Variants in VSIG4 observed in about 807,000 individuals in gnomAD.
VSIG4 encodes the protein V-set and immunoglobulin domain containing 4, also known as V-set and immunoglobulin domain-containing protein 4.
Under a neutral mutation model 23.4 loss-of-function variants are expected in VSIG4, and 34 were observed. That is an observed-to-expected ratio of 1.45 (90% CI 1.10 to 1.93). The LOEUF (loss-of-function observed/expected upper bound fraction) is 1.93, where lower values mean the gene tolerates loss of function less well. VSIG4 is among the 30% of genes most tolerant of loss of function. The pLI is 0.00. For synonymous variants in VSIG4, 169 were observed against 120.3 expected, an observed-to-expected ratio of 1.41 and a Z score of -2.65; for missense variants, 433 against 310.8, an observed-to-expected ratio of 1.39 and a Z score of -2.96.
rs773278870 is a variant in VSIG4 at position 66,027,487 on chromosome X, T to C, written c.797A>G (p.Asp266Gly). Residue 266 changes from aspartate to glycine, a missense_variant, in exon 5 of 8, where the codon GAC becomes GGC. By Grantham distance (94) the Asp-to-Gly change is moderately conservative (BLOSUM62 -1). Coordinates refer to ENST00000374737, the MANE Select transcript of VSIG4 (RefSeq NM_007268.3). The part of the protein sequence containing the change: ...TVKQSWDWTT[D>G]MDGYLGETSA... The stretch of plus-strand genomic sequence containing the variant: ...GGTCTCTCCAAGGTAGCCATCCATG[T>C]CAGTGGTCCAGTCCCAGGACTGCTT... The C allele has an allele frequency of 1.2e-5, 14 of 1,203,409 alleles. No homozygotes were observed. The highest frequency in any genetic ancestry group is 1.8e-5 in the South Asian group (1 of 55,363).
chrX:66,031,905 T>C (rs2085468212), intron 3 of VSIG4, among the ~76,000 whole-genome samples: 1 of 111,840 alleles, frequency 8.9e-6, no homozygotes, highest in Non-Finnish European at 1.9e-5. Context: ...GTAGATATAT[T>C]AGATCAAGCC....
In VSIG4 at chrX:66,040,052, T is replaced by A. The variant is rs769800157; in HGVS notation, c.-54A>T. On this transcript the variant is annotated 5_prime_UTR_variant, in exon 1 of 8. Coordinates refer to ENST00000374737, the MANE Select transcript of VSIG4 (RefSeq NM_007268.3). Reference sequence around the variant, plus strand: ...TCCAGCCTCCTGCTACCAAAGAGGCTCAAACTTCTGGTGGCCGCCAGCGTC... The same window carrying A: ...TCCAGCCTCCTGCTACCAAAGAGGCACAAACTTCTGGTGGCCGCCAGCGTC... 28 of 1,179,657 alleles carry A rather than the reference T, an allele frequency of 2.4e-5. No homozygotes were observed. In the South Asian group the frequency reaches 4.5e-4, roughly 19 times the overall value.
In VSIG4 at chrX:66,033,632, CG is replaced by C. The variant is rs780512092; in HGVS notation, c.253del (p.Arg85AlafsTer4). On this transcript the variant is annotated frameshift_variant, in exon 2 of 8. Transcript: ENST00000374737. LOFTEE classifies it high-confidence loss of function. Reference sequence around the variant, plus strand: ...TGGAACCTTGTGGCTCACATGCAGGCGGCCCTGGTACTTTGCCTGCTGGATA... The same window carrying C: ...TGGAACCTTGTGGCTCACATGCAGGCGCCCTGGTACTTTGCCTGCTGGATA... ...DHIQQAKYQG[R>X]LHVSHKVPGD... The C allele has an allele frequency of 1.3e-5, 16 of 1,209,352 alleles. No homozygotes were observed. The highest frequency in any genetic ancestry group is 1.7e-5 in the Non-Finnish European group (15 of 895,067).
intron 3 of VSIG4, among the ~76,000 whole-genome samples, chrX:66,029,779 T>G (rs1308436564): frequency 9.0e-6 from 1 of 111,030 alleles, no homozygotes; most frequent in Non-Finnish European, 1.9e-5. Context: ...CTAACAGGTT[T>G]GAGGAACAGG....
chrX:66,023,513 G>A (rs917022559), intron 6 of VSIG4, among the ~76,000 whole-genome samples: 2 of 112,457 alleles, frequency 1.8e-5, no homozygotes, highest in Non-Finnish European at 3.8e-5. Flanking sequence ...AAGTAAACAA[G>A]GGAAGCCACA....
chrX:66,030,155 A>C (rs2147663520), intron 3 of VSIG4, among the ~76,000 whole-genome samples: 1 of 111,586 alleles, frequency 9.0e-6, no homozygotes, highest in African/African-American at 3.3e-5. Flanking sequence ...GAGGTGGAAG[A>C]AATGGCCAAC....
In VSIG4 at chrX:66,022,193, A is replaced by T; in HGVS notation, c.*70T>A. On this transcript the variant is annotated 3_prime_UTR_variant, in exon 8 of 8. Coordinates refer to ENST00000374737, the MANE Select transcript of VSIG4 (RefSeq NM_007268.3). ...TATCCAGGAAGAGAGGTAGCAGGGA[A>T]GAAGGCCATGCAGAAGGCAAGGACT... 1 of 1,211,196 alleles carries T rather than the reference A, an allele frequency of 8.3e-7. No individual in the cohort carries two copies. The highest frequency in any genetic ancestry group is 1.1e-6 in the Non-Finnish European group (1 of 895,164).
In VSIG4 at chrX:66,022,359, C is replaced by A. The variant is rs761125224; in HGVS notation, c.1104G>T (p.Gln368His). Reference protein sequence around the residue: ...SDEPCIGQEYQIIAQINGNYA... With the variant: ...SDEPCIGQEYHIIAQINGNYA... The stretch of plus-strand genomic sequence containing the variant: ...AGTTGCCATTGATCTGGGCGATGAT[C>A]TGGTACTCCTGTCCTATGCAGGGCT... The change falls in exon 8 of 8, where the codon CAG (glutamine) becomes CAT (histidine). Residue 368 changes from glutamine to histidine, a missense_variant. Transcript: ENST00000374737. 1.6e-5 allele frequency: 20 copies of A among 1,212,186 alleles called. No individual in the cohort carries two copies. Among genetic ancestry groups the A allele is most frequent in the South Asian group, 7.0e-5 (4 of 57,028 alleles).
chrX:66,031,145 C>G (rs1326248570), intron 3 of VSIG4, among the ~76,000 whole-genome samples: 1 of 111,488 alleles, frequency 9.0e-6, no homozygotes, highest in Non-Finnish European at 1.9e-5. Flanking sequence ...CTTAACAGCA[C>G]TGTAATAAGC....
chrX:66,035,592 G>C (rs1250794269), intron 1 of VSIG4, among the ~76,000 whole-genome samples: 1 of 111,589 alleles, frequency 9.0e-6, no homozygotes, highest in Non-Finnish European at 1.9e-5. Context: ...CCAGGTAGTG[G>C]GTTTCACTGT....
In VSIG4 at chrX:66,039,978, C is replaced by G; in HGVS notation, c.21G>C (p.Leu7=). The change falls in exon 1 of 8, where the codon CTG becomes CTC. Residue 7 remains leucine, a synonymous_variant. Transcript: ENST00000374737. MGILLG[L]LLLGHLTVDT... is the part of the protein sequence containing the mutation. ...CCACTGTTAGGTGCCCCAGGAGTAGCAGGCCCAGTAAGATCCCCATCACAG... is the reference window on the plus strand; with the variant it reads ...CCACTGTTAGGTGCCCCAGGAGTAGGAGGCCCAGTAAGATCCCCATCACAG... 1 of 1,211,844 alleles carries G rather than the reference C, an allele frequency of 8.3e-7. No individual in the cohort carries two copies. The highest frequency in any genetic ancestry group is 1.1e-6 in the Non-Finnish European group (1 of 895,407).
In VSIG4 at chrX:66,022,214, G is replaced by C. The variant is rs746770020; in HGVS notation, c.*49C>G. 1.7e-6 allele frequency: 2 copies of C among 1,211,795 alleles called. No individual in the cohort carries two copies. The highest frequency in any genetic ancestry group is 3.0e-5 in the East Asian group (1 of 33,751). On this transcript the variant is annotated 3_prime_UTR_variant, in exon 8 of 8. Coordinates refer to ENST00000374737, the MANE Select transcript of VSIG4 (RefSeq NM_007268.3). ...GGGAAGAAGGCCATGCAGAAGGCAA[G>C]GACTGACTAGGCAATTATGTCAGCA...
At chrX:66,036,278 A>G (rs1380023763) in intron 1 of VSIG4, among the ~76,000 whole-genome samples, 1 of 109,442 alleles carries the variant, frequency 9.1e-6, no homozygotes, top group Non-Finnish European at 1.9e-5. Context: ...AGACTGGATT[A>G]TAGGTACAGG....
At chrX:66,024,930 G>A in intron 6 of VSIG4, 95 bp downstream of exon 6, 2 of 603,502 alleles carry the variant, frequency 3.3e-6, no homozygotes, top group Non-Finnish European at 4.9e-6. Context: ...GCTTCTTGAA[G>A]TGCCTAACAC....
chrX:66,035,963 C>A (rs1362157386), intron 1 of VSIG4, among the ~76,000 whole-genome samples: 1 of 111,899 alleles, frequency 8.9e-6, no homozygotes, highest in Non-Finnish European at 1.9e-5. Context: ...GCTGGAAATT[C>A]TCACAAAGCT....
intron 6 of VSIG4, among the ~76,000 whole-genome samples, chrX:66,023,329 A>G (rs1198623561): frequency 9.0e-6 from 1 of 111,031 alleles, no homozygotes; most frequent in Non-Finnish European, 1.9e-5. Context: ...CCCAGGAAAA[A>G]CCATGGTATT....
intron 1 of VSIG4, among the ~76,000 whole-genome samples, chrX:66,034,545 T>A (rs1418352405): frequency 8.9e-6 from 1 of 112,082 alleles, no homozygotes; most frequent in Non-Finnish European, 1.9e-5. Flanking sequence ...TAAACCTGAC[T>A]TTTTTTCTGA....
chrX:66,028,751 G>C lies in VSIG4; in HGVS notation c.695-639C>G, dbSNP rs1185788026. On this transcript the variant is annotated intron_variant, in intron 3 of 7. Coordinates refer to ENST00000374737, the MANE Select transcript of VSIG4 (RefSeq NM_007268.3). ...ATCTTGAACATACAACCCCATTCCA[G>C]GTGCTGGAGTGAGCCCAACAAACTT... 2.8e-5 allele frequency among the ~76,000 whole-genome samples: 3 copies of C among 108,671 alleles called. No homozygotes were observed. In the Admixed American group the frequency reaches 3.0e-4, roughly 11 times the overall value. The allele number at this position is 108,671 out of a possible 115,157, so 94.4% of individuals were successfully genotyped here.
At chrX:66,036,821 TTA>T (rs1338274451) in intron 1 of VSIG4, among the ~76,000 whole-genome samples, 22 of 39,682 alleles carry the variant, frequency 5.5e-4, no homozygotes, top group Non-Finnish European at 6.9e-4. Flanking sequence ...TTATATATTA[TTA>T]TATATATAAT....
Sources: allele counts gnomAD v4.1 joint callset (sites outside exome capture counted in the v4.1 genomes callset), GRCh38; gene constraint gnomAD v4.1.1; transcripts MANE v1.5; gene names NCBI Gene and HGNC (gene_info 2026-07-23, HGNC 2026-07-21).